Variants in SORCS3 observed in about 807,000 individuals in gnomAD.
The protein encoded by SORCS3 is VPS10 domain-containing receptor SorCS3.
In SORCS3, 57 loss-of-function variants were observed where a neutral mutation model predicts 146.3. That is an observed-to-expected ratio of 0.39 (90% CI 0.31 to 0.49). The LOEUF is 0.49. SORCS3 is among the 20% of genes least tolerant of loss of function. The pLI, the probability that SORCS3 is intolerant of heterozygous loss-of-function variation, is 0.92. For missense variants in SORCS3, 1,341 were observed against 1,575.5 expected, an observed-to-expected ratio of 0.85 and a Z score of 2.52; for synonymous variants, 653 against 618.5, an observed-to-expected ratio of 1.06 and a Z score of -0.83.
At chr10:104,910,538 T>G (rs1443516745) in intron 2 of SORCS3, among the ~76,000 whole-genome samples, 1 of 152,192 alleles carries the variant, frequency 6.6e-6, no homozygotes, top group Admixed American at 6.5e-5. Flanking sequence ...CACGGATACA[T>G]CTCACAAGCC....
chr10:104,826,068 A>T (rs955760673), intron 1 of SORCS3, among the ~76,000 whole-genome samples: 1 of 152,174 alleles, frequency 6.6e-6, no homozygotes, highest in Non-Finnish European at 1.5e-5. Context: ...CCCTTGGAAT[A>T]GAGAACCCTG....
chr10:104,892,414 G>A (rs920275156), intron 2 of SORCS3, among the ~76,000 whole-genome samples: 1 of 152,148 alleles, frequency 6.6e-6, no homozygotes, highest in African/African-American at 2.4e-5. Context: ...ACAGGTAAAG[G>A]CAAAGGCCAT....
intron 19 of SORCS3, among the ~76,000 whole-genome samples, chr10:105,221,810 T>C (rs1396778845): frequency 6.6e-6 from 1 of 152,052 alleles, no homozygotes; most frequent in East Asian, 1.9e-4. Context: ...TCTTATCAAA[T>C]TGATGATGGT....
intron 13 of SORCS3, among the ~76,000 whole-genome samples, chr10:105,168,917 G>T (rs141478233): frequency 1.3e-5 from 2 of 152,276 alleles, no homozygotes; most frequent in Non-Finnish European, 2.9e-5. Context: ...GGATGAGCTT[G>T]TAAAAGTTCC....
intron 1 of SORCS3, among the ~76,000 whole-genome samples, chr10:104,663,481 C>T (rs1218482595): frequency 6.6e-6 from 1 of 152,176 alleles, no homozygotes; most frequent in Non-Finnish European, 1.5e-5. Context: ...TTCAACTTCT[C>T]CTCCAAGGCA....
At chr10:104,722,683 A>C (rs1753947230) in intron 1 of SORCS3, among the ~76,000 whole-genome samples, 1 of 152,150 alleles carries the variant, frequency 6.6e-6, no homozygotes, top group Non-Finnish European at 1.5e-5. Flanking sequence ...TCAGAGATTC[A>C]GCTTCTTCCT....
Position 104,718,911 on chromosome 10 carries a change from ACTGT to A in SORCS3, c.627+76960_627+76963del, listed in dbSNP as rs531157210. Among the ~76,000 whole-genome samples the A allele has an allele frequency of 5.3e-5, 8 of 152,320 alleles. No individual in the cohort carries two copies. The South Asian group carries it at 1.5e-3, about 28-fold the overall frequency. On this transcript the variant is annotated intron_variant, in intron 1 of 26. Transcript: ENST00000369701. ...TTATTTCATAAAAATAAAGAAGGGAACTGTCTAAGACAGTGCTGTCCAATTGAAA... is the reference window on the plus strand; with the variant it reads ...TTATTTCATAAAAATAAAGAAGGGAACTAAGACAGTGCTGTCCAATTGAAA...
At chr10:104,968,127 A>T (rs1276989078) in intron 3 of SORCS3, among the ~76,000 whole-genome samples, 1 of 152,050 alleles carries the variant, frequency 6.6e-6, no homozygotes, top group Non-Finnish European at 1.5e-5. Flanking sequence ...CAGACTTGGG[A>T]TAATTGCGAC....
chr10:104,784,048 A>G (rs2017404913), intron 1 of SORCS3, among the ~76,000 whole-genome samples: 1 of 152,246 alleles, frequency 6.6e-6, no homozygotes, highest in Non-Finnish European at 1.5e-5. Flanking sequence ...TGAGGAATCC[A>G]TCAGGGAAGA....
At chr10:105,037,884 T>G (rs141304807) in intron 4 of SORCS3, among the ~76,000 whole-genome samples, 1 of 152,346 alleles carries the variant, frequency 6.6e-6, no homozygotes, top group East Asian at 1.9e-4. Flanking sequence ...TTGTTCTTCC[T>G]GTGGAATATT....
intron 1 of SORCS3, among the ~76,000 whole-genome samples, chr10:104,683,419 A>T (rs1205965214): frequency 6.6e-6 from 1 of 152,204 alleles, no homozygotes; most frequent in African/African-American, 2.4e-5. Flanking sequence ...ATTGTTCTTT[A>T]TGGGGAAGAT....
chr10:104,755,385 A>G (rs2017038764), intron 1 of SORCS3, among the ~76,000 whole-genome samples: 1 of 152,220 alleles, frequency 6.6e-6, no homozygotes, highest in East Asian at 1.9e-4. Context: ...TCCATATGTG[A>G]ATTTTCTTGA....
chr10:104,701,328 G>C (rs931671526), intron 1 of SORCS3, among the ~76,000 whole-genome samples: 1 of 152,216 alleles, frequency 6.6e-6, no homozygotes, highest in African/African-American at 2.4e-5. Context: ...TAGTACATAG[G>C]AGGGTTAAGA....
intron 4 of SORCS3, among the ~76,000 whole-genome samples, chr10:105,041,499 C>G (rs1158193223): frequency 6.8e-6 from 1 of 147,250 alleles, no homozygotes; most frequent in East Asian, 2.0e-4. Context: ...ACATATATAC[C>G]TACATACATA....
chr10:104,964,377 C>T (rs2054814882), intron 3 of SORCS3, among the ~76,000 whole-genome samples: 1 of 152,184 alleles, frequency 6.6e-6, no homozygotes, highest in Non-Finnish European at 1.5e-5. Context: ...AACTACACAG[C>T]TTCTCTTTCA....
At chr10:105,111,601 C>T (rs772042329) in intron 7 of SORCS3, among the ~76,000 whole-genome samples, 14 of 152,284 alleles carry the variant, frequency 9.2e-5, no homozygotes, top group African/African-American at 1.9e-4. Context: ...AATGTCTCTG[C>T]GTTTTTATAA....
intron 7 of SORCS3, among the ~76,000 whole-genome samples, chr10:105,114,374 G>A (rs1287241808): frequency 1.3e-5 from 2 of 152,162 alleles, no homozygotes; most frequent in East Asian, 3.9e-4. Context: ...TTGGAAGAGG[G>A]ACGGTCATCT....
At chr10:104,856,271 G>A (rs2018330098) in intron 2 of SORCS3, among the ~76,000 whole-genome samples, 1 of 148,490 alleles carries the variant, frequency 6.7e-6, no homozygotes, top group Non-Finnish European at 1.5e-5. Context: ...TAATTGGTTG[G>A]TCTCTCTCTC....
chr10:105,139,573 T>C, intron 8 of SORCS3, 87 bp downstream of exon 8: 1 of 1,055,198 alleles, frequency 9.5e-7, no homozygotes, highest in Non-Finnish European at 1.5e-6. Context: ...TGGGAGGTTT[T>C]ATCTGTTTGG....
Sources: allele counts gnomAD v4.1 joint callset (sites outside exome capture counted in the v4.1 genomes callset), GRCh38; gene constraint gnomAD v4.1.1; transcripts MANE v1.5; gene names NCBI Gene and HGNC (gene_info 2026-07-23, HGNC 2026-07-21).